PCDH15: variants seen among roughly 807,000 people sequenced by gnomAD.
The protein encoded by PCDH15 is protocadherin-15.
In PCDH15, 129 loss-of-function variants were observed where a neutral mutation model predicts 178.5. The observed-to-expected ratio is 0.72, with a 90% CI of 0.63 to 0.84. The LOEUF (loss-of-function observed/expected upper bound fraction) is 0.84. Ranked by LOEUF, PCDH15 falls within the 40% of genes least tolerant of loss-of-function variation. The probability of loss-of-function intolerance (pLI) is 0.00; values close to 1 mark genes in which losing one functional copy is unlikely to be tolerated. For missense variants in PCDH15, 2,230 were observed against 2,099.9 expected (o/e 1.06, Z -1.21); for synonymous variants, 800 against 732.0 (o/e 1.09, Z -1.50).
intron 26 of PCDH15, among the ~76,000 whole-genome samples, chr10:53,876,004 C>T (rs1198440040): frequency 6.6e-6 from 1 of 152,118 alleles, no homozygotes; most frequent in African/African-American, 2.4e-5. Flanking sequence ...CCCATTTTAA[C>T]ATTTAACGGT....
chr10:55,008,601 T>C (rs1206054776), intron 2 of PCDH15, among the ~76,000 whole-genome samples: 1 of 152,132 alleles, frequency 6.6e-6, no homozygotes, highest in Non-Finnish European at 1.5e-5. Flanking sequence ...GAGTAACTAT[T>C]TCAAGCTCAA....
chr10:54,806,875 A>C (rs1430694176), intron 3 of PCDH15, among the ~76,000 whole-genome samples: 1 of 152,178 alleles, frequency 6.6e-6, no homozygotes, highest in Non-Finnish European at 1.5e-5. Context: ...ATGACCTCTT[A>C]ATAAGCAGTT....
intron 3 of PCDH15, among the ~76,000 whole-genome samples, chr10:54,525,052 C>G (rs2083243849): frequency 6.6e-6 from 1 of 152,156 alleles, no homozygotes; most frequent in South Asian, 2.1e-4. Context: ...AAGAATATTT[C>G]TGTCCCACAA....
intron 2 of PCDH15, among the ~76,000 whole-genome samples, chr10:55,624,695 A>G (rs1055797454): frequency 6.6e-6 from 1 of 152,176 alleles, no homozygotes; most frequent in Non-Finnish European, 1.5e-5. Flanking sequence ...GTCAATGAAC[A>G]TCACACAGAT....
At chr10:54,548,770 T>A (rs910881605) in intron 2 of PCDH15, among the ~76,000 whole-genome samples, 9 of 151,212 alleles carry the variant, frequency 6.0e-5, no homozygotes, top group African/African-American at 2.2e-4. Context: ...GGTGACAACA[T>A]TTTCCTGTGT....
intron 2 of PCDH15, among the ~76,000 whole-genome samples, chr10:55,032,523 C>G (rs1840637544): frequency 6.6e-6 from 1 of 152,086 alleles, no homozygotes. Context: ...ATCACCAAGG[C>G]CTGATTTTTG....
rs755755331 is a variant in PCDH15 at position 54,087,228 on chromosome 10, G to A, written c.1997+2756C>T. Among the ~76,000 whole-genome samples, 5 of 152,064 alleles carry A rather than the reference G, an allele frequency of 3.3e-5. No homozygotes were observed. In the East Asian group the frequency reaches 7.8e-4, roughly 24 times the overall value. On this transcript the variant is annotated intron_variant, in intron 16 of 37. Transcript: ENST00000644397. ...CAATTCAATGGTTTTTAGCATAATC[G>A]CAGAGTTGTTCAATCATCACTGTAA... is the stretch of plus-strand genomic sequence containing the variant.
At chr10:55,395,419 T>C (rs1368157520) in intron 2 of PCDH15, among the ~76,000 whole-genome samples, 1 of 152,146 alleles carries the variant, frequency 6.6e-6, no homozygotes, top group East Asian at 1.9e-4. Context: ...GATCATTACA[T>C]GTGAAACAGA....
chr10:54,723,527 A>C (rs1941993129), intron 1 of PCDH15, among the ~76,000 whole-genome samples: 1 of 151,868 alleles, frequency 6.6e-6, no homozygotes, highest in Non-Finnish European at 1.5e-5. Flanking sequence ...TAAATGCAAC[A>C]AAAACAAAAT....
chr10:54,852,900 G>T (rs1953650208), intron 3 of PCDH15, among the ~76,000 whole-genome samples: 1 of 129,236 alleles, frequency 7.7e-6, no homozygotes, highest in Admixed American at 8.4e-5. Context: ...TAAAATAAAA[G>T]TTTATTTTAT....
At chr10:54,495,495 GCTA>G (rs2080028107) in intron 3 of PCDH15, among the ~76,000 whole-genome samples, 1 of 152,068 alleles carries the variant, frequency 6.6e-6, no homozygotes, top group Admixed American at 6.6e-5. Context: ...AACAATATTT[GCTA>G]CTACCATTTA....
At chr10:53,878,181 G>GCACACACACACACACA (rs71004486) in intron 26 of PCDH15, among the ~76,000 whole-genome samples, 1 of 124,926 alleles carries the variant, frequency 8.0e-6, no homozygotes, top group African/African-American at 3.1e-5. Context: ...CTATACTATG[G>GCACACACACACACACA]CACACACACA....
chr10:54,102,009 TAA>T lies in PCDH15; in HGVS notation c.1918-11948_1918-11947del, dbSNP rs1174376866. 7.2e-5 allele frequency among the ~76,000 whole-genome samples: 11 copies of T among 152,166 alleles called. No homozygotes were observed. In the East Asian group the frequency reaches 1.9e-3, roughly 27 times the overall value. On this transcript the variant is annotated intron_variant, in intron 15 of 37. Coordinates refer to ENST00000644397, the MANE Select transcript of PCDH15 (RefSeq NM_001384140.1). ...TTAATAATCATAATAGTAATATAAA[TAA>T]AGTTTTAAAATAGTCTCTAAATACT... is the stretch of plus-strand genomic sequence containing the variant.
chr10:54,682,659 C>G (rs1039024202), intron 1 of PCDH15, among the ~76,000 whole-genome samples: 2 of 152,072 alleles, frequency 1.3e-5, no homozygotes, highest in African/African-American at 2.4e-5. Context: ...GATGCTGTCT[C>G]AGAGAGCCCT....
intron 25 of PCDH15, among the ~76,000 whole-genome samples, chr10:53,924,459 TC>T (rs1210077662): frequency 2.0e-5 from 3 of 151,502 alleles, no homozygotes; most frequent in Non-Finnish European, 3.0e-5. Flanking sequence ...TGCTGGAGTG[TC>T]CCCCCGCCGT....
At chr10:54,652,219 CTCTT>C (rs979539315) in intron 2 of PCDH15, among the ~76,000 whole-genome samples, 10 of 152,010 alleles carry the variant, frequency 6.6e-5, no homozygotes, top group Admixed American at 5.9e-4. Context: ...TCTTTCCCTC[CTCTT>C]TCTTTGAGAT....
chr10:54,883,140 C>T (rs375201987), intron 3 of PCDH15, among the ~76,000 whole-genome samples: 42 of 152,060 alleles, frequency 2.8e-4, no homozygotes, highest in African/African-American at 9.4e-4. Context: ...TATATGTAAT[C>T]ATCCAGGGAA....
intron 3 of PCDH15, among the ~76,000 whole-genome samples, chr10:54,879,010 A>G (rs1450034171): frequency 6.6e-6 from 1 of 152,188 alleles, no homozygotes; most frequent in African/African-American, 2.4e-5. Flanking sequence ...ATAAAACTAC[A>G]TCCTAGCATC....
chr10:55,560,124 G>A (rs11004908), intron 2 of PCDH15, among the ~76,000 whole-genome samples: 35,982 of 151,632 alleles, frequency 0.24, 5,251 homozygotes, highest in East Asian at 0.32. Flanking sequence ...TTTGTAAAAT[G>A]GCCTGCCACA....
Sources: allele counts gnomAD v4.1 joint callset (sites outside exome capture counted in the v4.1 genomes callset), GRCh38; gene constraint gnomAD v4.1.1; transcripts MANE v1.5; gene names NCBI Gene and HGNC (gene_info 2026-07-23, HGNC 2026-07-21).